Variants in RRAS2 observed in about 807,000 individuals in gnomAD.
RRAS2 encodes the protein RAS related 2.
Under a neutral mutation model 27.6 loss-of-function variants are expected in RRAS2, and 7 were observed. The observed-to-expected ratio is 0.25, with a 90% CI of 0.14 to 0.48. RRAS2 has a LOEUF of 0.48. Among genes scored for constraint, RRAS2 ranks in the 20% least tolerant of loss-of-function variants. The pLI is 0.99. For missense variants in RRAS2, 178 were observed against 256.2 expected, an observed-to-expected ratio of 0.69 and a Z score of 2.08; for synonymous variants, 86 against 90.9, an observed-to-expected ratio of 0.95 and a Z score of 0.31.
intron 1 of RRAS2, among the ~76,000 whole-genome samples, chr11:14,314,888 T>C (rs1038885152): frequency 2.0e-5 from 3 of 152,166 alleles, no homozygotes; most frequent in South Asian, 2.1e-4. Flanking sequence ...GGTTTCACCA[T>C]GTTGGCCAGG....
intron 2 of RRAS2, among the ~76,000 whole-genome samples, chr11:14,295,318 T>C (rs1847514875): frequency 6.6e-6 from 1 of 152,230 alleles, no homozygotes; most frequent in African/African-American, 2.4e-5. Flanking sequence ...GAATCATACA[T>C]ATTAGAAGAA....
rs111515741 is a variant in RRAS2, at chr11:14,349,398, G to A, written c.108+9365C>T. Among the ~76,000 whole-genome samples the A allele has an allele frequency of 8.8e-3, 1,312 of 149,778 alleles. 9 individuals are homozygous for A. Among genetic ancestry groups the A allele is most frequent in the Non-Finnish European group, 0.015 (980 of 67,532 alleles). On this transcript the variant is annotated intron_variant, in intron 1 of 5. Coordinates refer to ENST00000256196, the MANE Select transcript of RRAS2 (RefSeq NM_012250.6). ...AGGATGGTCTCGATCTGCTGACCTCGTGATACACCCGCCTCAGCCTCCCAA... is the reference window on the plus strand; with the variant it reads ...AGGATGGTCTCGATCTGCTGACCTCATGATACACCCGCCTCAGCCTCCCAA...
chr11:14,341,277 C>G (rs770001155), intron 1 of RRAS2, among the ~76,000 whole-genome samples: 4 of 152,126 alleles, frequency 2.6e-5, no homozygotes, highest in Non-Finnish European at 4.4e-5. Context: ...ATCGGTAAAC[C>G]TACCTCAAAC....
At chr11:14,333,881 T>C (rs1848536375) in intron 1 of RRAS2, among the ~76,000 whole-genome samples, 2 of 152,074 alleles carry the variant, frequency 1.3e-5, no homozygotes, top group Middle Eastern at 3.2e-3. Flanking sequence ...GCAATCCACC[T>C]CCCTCCACAA....
chr11:14,290,192 T>C (rs1554945613), intron 4 of RRAS2, among the ~76,000 whole-genome samples: 3 of 152,232 alleles, frequency 2.0e-5, no homozygotes, highest in African/African-American at 2.4e-5. Flanking sequence ...GGCTCACACC[T>C]GTAATCCCAT....
chr11:14,327,237 T>G (rs1554951135), intron 1 of RRAS2, among the ~76,000 whole-genome samples: 9 of 152,228 alleles, frequency 5.9e-5, no homozygotes. Flanking sequence ...TAACAGATTA[T>G]TATAGTTAAA....
chr11:14,328,813 C>T (rs1346600728), intron 1 of RRAS2, among the ~76,000 whole-genome samples: 17 of 151,360 alleles, frequency 1.1e-4, no homozygotes, highest in Admixed American at 5.9e-4. Context: ...TAGAGGCATG[C>T]GCCACTATGC....
At chr11:14,344,496 A>G (rs1848787631) in intron 1 of RRAS2, among the ~76,000 whole-genome samples, 1 of 152,218 alleles carries the variant, frequency 6.6e-6, no homozygotes, top group Non-Finnish European at 1.5e-5. Flanking sequence ...ATAGCCACAT[A>G]TCTTTTCCAT....
chr11:14,325,818 T>C (rs959642122), intron 1 of RRAS2, among the ~76,000 whole-genome samples: 7 of 152,248 alleles, frequency 4.6e-5, no homozygotes, highest in African/African-American at 1.2e-4. Context: ...GTAGTCTTTT[T>C]GTTTGCTATT....
Position 14,281,611 on chromosome 11 carries a change from C to T in RRAS2, c.518G>A (p.Arg173Gln), listed in dbSNP as rs782079709. Residue 173 changes from arginine (R) to glutamine (Q), a missense_variant, in exon 5 of 6, where the codon CGG becomes CAG. Transcript: ENST00000256196. ...NVDQAFHELV[R>Q]VIRKFQEQEC... ...AATGTGTTTTGCTTACCTGATAACC[C>T]GGACAAGTTCATGGAAAGCTTGATC... The T allele has an allele frequency of 5.0e-6, 8 of 1,597,914 alleles. No homozygotes were observed. The highest frequency in any genetic ancestry group is 2.3e-5 in the South Asian group (2 of 87,184).
intron 1 of RRAS2, among the ~76,000 whole-genome samples, chr11:14,318,625 G>A (rs1848162938): frequency 6.6e-6 from 1 of 152,114 alleles, no homozygotes; most frequent in African/African-American, 2.4e-5. Context: ...CCTGAGCCCA[G>A]CCAGGTGCAG....
chr11:14,348,308 T>C (rs544844007), intron 1 of RRAS2, among the ~76,000 whole-genome samples: 1 of 152,322 alleles, frequency 6.6e-6, no homozygotes, highest in East Asian at 1.9e-4. Context: ...ATTTTCCCCC[T>C]GTAAAATTAA....
At position 14,359,147 on chromosome 11, in the gene RRAS2, C is replaced by G. The variant is rs902138864; in HGVS notation, c.-277G>C. 29 of 1,026,874 alleles carry G rather than the reference C, an allele frequency of 2.8e-5. No individual in the cohort carries two copies. The highest frequency in any genetic ancestry group is 4.6e-5 in the South Asian group (1 of 21,672). 63.6% of individuals were successfully genotyped at this position (1,026,874 alleles called of 1,614,324 possible). On this transcript the variant is annotated 5_prime_UTR_variant, in exon 1 of 6. Transcript: ENST00000256196. ...CTCTACGCGTCTCCGCAGCGCCTGC[C>G]GAACGCAGCCTCCAGCGCCGCCACA...
rs782747533 is a variant in RRAS2 at position 14,281,700 on chromosome 11, T to C, written c.429A>G (p.Gln143=). Residue 143 remains glutamine (Q), a synonymous_variant, in exon 5 of 6, where the codon CAA becomes CAG. Coordinates refer to ENST00000256196, the MANE Select transcript of RRAS2 (RefSeq NM_012250.6). ...TTACCTTAAGCTGCCGTGCTAACTG[T>C]TGTCCTTCTTCCTGTGTTACCTGAA... is the stretch of plus-strand genomic sequence containing the variant. ...HQRQVTQEEG[Q]QLARQLKVTY... The C allele has an allele frequency of 6.3e-7, 1 of 1,599,606 alleles. No homozygotes were observed. Among genetic ancestry groups the C allele is most frequent in the South Asian group, 1.1e-5 (1 of 87,316 alleles).
At chr11:14,282,938 C>G (rs1554944541) in intron 4 of RRAS2, among the ~76,000 whole-genome samples, 1 of 152,158 alleles carries the variant, frequency 6.6e-6, no homozygotes, top group African/African-American at 2.4e-5. Context: ...CCTTAGTGCA[C>G]TACCTAGAAC....
upstream of RRAS2, among the ~76,000 whole-genome samples, chr11:14,362,378 G>C (rs1288305545): frequency 1.3e-5 from 2 of 150,424 alleles, no homozygotes; most frequent in African/African-American, 5.0e-5. Flanking sequence ...GTAGTATTCA[G>C]CAAATGAGAA....
chr11:14,313,101 T>C (rs572041679), intron 1 of RRAS2, among the ~76,000 whole-genome samples: 1 of 152,376 alleles, frequency 6.6e-6, no homozygotes, highest in Non-Finnish European at 1.5e-5. Context: ...TAAACTTTTA[T>C]GTGGAGACAA....
At chr11:14,288,033 T>G (rs1554945326) in intron 4 of RRAS2, among the ~76,000 whole-genome samples, 1 of 152,228 alleles carries the variant, frequency 6.6e-6, no homozygotes, top group Non-Finnish European at 1.5e-5. Context: ...CAGGTTGGAG[T>G]GCAGTGGCAT....
At chr11:14,306,373 G>A (rs1847829816) in intron 1 of RRAS2, among the ~76,000 whole-genome samples, 1 of 151,938 alleles carries the variant, frequency 6.6e-6, no homozygotes, top group African/African-American at 2.4e-5. Flanking sequence ...CCACTATGTT[G>A]TCCAGGCTGG....
Sources: allele counts gnomAD v4.1 joint callset (sites outside exome capture counted in the v4.1 genomes callset), GRCh38; gene constraint gnomAD v4.1.1; transcripts MANE v1.5; gene names NCBI Gene and HGNC (gene_info 2026-07-23, HGNC 2026-07-21).